Variants in MUC12 observed in about 807,000 individuals in gnomAD.
MUC12 encodes the protein mucin 12, cell surface associated.
A neutral mutation model predicts 230.8 loss-of-function variants in MUC12; 172 were observed. The observed-to-expected ratio is 0.75, with a 90% CI of 0.66 to 0.85. MUC12 has a LOEUF of 0.85. MUC12 is among the 40% of genes least tolerant of loss of function. The probability of loss-of-function intolerance (pLI) is 0.00; values close to 1 mark genes in which losing one functional copy is unlikely to be tolerated. For missense variants in MUC12, 3,506 were observed against 5,920.6 expected (o/e 0.59, Z 13.38); for synonymous variants, 1,259 against 2,401.9 (o/e 0.52, Z 13.91).
chr7:100,995,492 A>T lies in MUC12; in HGVS notation c.4929A>T (p.Glu1643Asp). 6.5e-7 allele frequency: 1 copy of T among 1,534,960 alleles called. No individual in the cohort carries two copies. The highest frequency in any genetic ancestry group is 8.7e-7 in the Non-Finnish European group (1 of 1,146,558). The change falls in exon 2 of 12, where the codon GAA becomes GAT. Residue 1643 changes from glutamate (E) to aspartate (D), a missense_variant. By Grantham distance (45) the Glu-to-Asp change is conservative. Transcript: ENST00000536621. ...TCCACAGCAGCCCAGGCTCCACTGA[A>T]ACAACACTCTTACCTGACAACACCA... ...TTFHSSPGSTETTLLPDNTTA... is the reference protein window; with the variant it reads ...TTFHSSPGSTDTTLLPDNTTA...
Position 101,004,931 on chromosome 7 carries a change from C to G in MUC12, c.14368C>G (p.Leu4790Val). The G allele has an allele frequency of 6.5e-7, 1 of 1,537,884 alleles. No homozygotes were observed. Among genetic ancestry groups the G allele is most frequent in the Non-Finnish European group, 8.7e-7 (1 of 1,147,056 alleles). ...AFPASTTTSG[L>V]SQESTTFHSK... is the part of the protein sequence containing the mutation. The stretch of plus-strand genomic sequence containing the variant: ...CCCTGCCAGCACCACCACCTCAGGC[C>G]TCAGTCAGGAATCAACAACTTTCCA... Residue 4790 changes from leucine (L) to valine (V), a missense_variant, in exon 2 of 12, where the codon CTC becomes GTC. Leu to Val is a conservative substitution (Grantham distance 32). Coordinates refer to ENST00000536621, the MANE Select transcript of MUC12 (RefSeq NM_001164462.2).
Position 101,018,913 on chromosome 7 carries a change from A to C in MUC12, c.*277A>C. ...CTCCCCACTCTGGAATTTCCCTACC[A>C]ATAAAAGCAAATCTGAAAGCTCAGA... is the stretch of plus-strand genomic sequence containing the variant. On this transcript the variant is annotated 3_prime_UTR_variant, in exon 12 of 12. Coordinates refer to ENST00000536621, the MANE Select transcript of MUC12 (RefSeq NM_001164462.2). 2.4e-6 allele frequency: 1 copy of C among 423,012 alleles called. No individual in the cohort carries two copies. Among genetic ancestry groups the C allele is most frequent in the Non-Finnish European group, 4.2e-6 (1 of 240,848 alleles). 26.2% of individuals were successfully genotyped at this position (423,012 alleles called of 1,614,324 possible). A position where few individuals can be genotyped will look rare whatever the true frequency, so the allele number is the denominator to read the frequency against.
At chr7:100,971,216 G>A (rs1259854957) in intron 1 of MUC12, among the ~76,000 whole-genome samples, 1 of 152,276 alleles carries the variant, frequency 6.6e-6, no homozygotes, top group Non-Finnish European at 1.5e-5. Flanking sequence ...GGGGCTGTAG[G>A]AGGAGACAGA....
chr7:100,999,227 A>T lies in MUC12; in HGVS notation c.8664A>T (p.Gln2888His). The change falls in exon 2 of 12, where the codon CAA becomes CAT. Residue 2888 changes from glutamine to histidine, a missense_variant. Gln to His is a conservative substitution (Grantham distance 24). Coordinates refer to ENST00000536621, the MANE Select transcript of MUC12 (RefSeq NM_001164462.2). ...VSEESSTSHSQPGSTHTTAFP... is the reference protein window; with the variant it reads ...VSEESSTSHSHPGSTHTTAFP... ...AAGAATCCAGCACATCCCACAGTCA[A>T]CCAGGCTCAACGCACACAACAGCGT... 2.0e-6 allele frequency: 3 copies of T among 1,499,270 alleles called. No homozygotes were observed. Among genetic ancestry groups the T allele is most frequent in the Non-Finnish European group, 2.7e-6 (3 of 1,127,132 alleles). The allele number at this position is 1,499,270 out of a possible 1,614,324, so 92.9% of individuals were successfully genotyped here.
chr7:101,009,570 TG>T (rs923665927), intron 5 of MUC12, among the ~76,000 whole-genome samples: 12 of 152,216 alleles, frequency 7.9e-5, no homozygotes, highest in African/African-American at 2.7e-4. Flanking sequence ...TGGTGGTTCA[TG>T]CATGTAATCT....
rs1457578481 is a variant in MUC12, at chr7:101,004,731, C to G, written c.14168C>G (p.Thr4723Arg). 1.3e-6 allele frequency: 2 copies of G among 1,536,984 alleles called. No individual in the cohort carries two copies. The highest frequency in any genetic ancestry group is 1.7e-6 in the Non-Finnish European group (2 of 1,146,360). ...TATATCTCTCCAGGCTCAATGGAAACAACATTAGCCAGCACTGCCACAACA... is the reference window on the plus strand; with the variant it reads ...TATATCTCTCCAGGCTCAATGGAAAGAACATTAGCCAGCACTGCCACAACA... ...TFYISPGSME[T>R]TLASTATTPG... The change falls in exon 2 of 12, where the codon ACA (threonine) becomes AGA (arginine). Residue 4723 changes from threonine (T) to arginine (R), a missense_variant. Physicochemically the swap from Thr to Arg is moderately conservative, Grantham distance 71. Coordinates refer to ENST00000536621, the MANE Select transcript of MUC12 (RefSeq NM_001164462.2).
rs1793733523 is a variant in MUC12, at chr7:101,005,541, C to T, written c.14956+22C>T. The T allele has an allele frequency of 3.3e-6, 5 of 1,523,010 alleles. No individual in the cohort carries two copies. In the South Asian group the frequency reaches 4.9e-5, roughly 15 times the overall value. 94.3% of individuals were successfully genotyped at this position (1,523,010 alleles called of 1,614,324 possible). A position where few individuals can be genotyped will look rare whatever the true frequency, so the allele number is the denominator to read the frequency against. Reference sequence around the variant, plus strand: ...CCAGGTACTGCTCTTTCCATTTCATCCACGTTTAGCTTCTTCTCCAGGCCT... The same window carrying T: ...CCAGGTACTGCTCTTTCCATTTCATTCACGTTTAGCTTCTTCTCCAGGCCT... On this transcript the variant is annotated intron_variant, in intron 2 of 11. Transcript: ENST00000536621.
In MUC12 at chr7:101,005,079, C is replaced by A; in HGVS notation, c.14516C>A (p.Ala4839Asp). The A allele has an allele frequency of 6.5e-7, 1 of 1,537,900 alleles. No homozygotes were observed. The highest frequency in any genetic ancestry group is 8.7e-7 in the Non-Finnish European group (1 of 1,147,066). Residue 4839 changes from alanine to aspartate, a missense_variant, in exon 2 of 12, where the codon GCC (alanine) becomes GAC (aspartate). Ala to Asp is a moderately radical substitution (Grantham distance 126). Coordinates refer to ENST00000536621, the MANE Select transcript of MUC12 (RefSeq NM_001164462.2). ...PGSALSTVSP[A>D]STTVPGLSEE... ...TCAGCTCTGTCAACAGTGTCACCTG[C>A]CAGCACCACAGTGCCAGGCCTTAGT... is the stretch of plus-strand genomic sequence containing the variant.
chr7:100,983,974 G>A (rs1793148085), intron 1 of MUC12, among the ~76,000 whole-genome samples: 1 of 152,106 alleles, frequency 6.6e-6, no homozygotes, highest in African/African-American at 2.4e-5. Flanking sequence ...AGTCCACCCT[G>A]CTGCATTGAG....
chr7:101,004,785 T>C lies in MUC12; in HGVS notation c.14222T>C (p.Leu4741Pro). ...GGCCTCAGTGCAAAATCTACCATCC[T>C]TTACAGTAGCTCCAGATCACCAGAC... ...TPGLSAKSTI[L>P]YSSSRSPDQT... Residue 4741 changes from leucine (L) to proline (P), a missense_variant, in exon 2 of 12, where the codon CTT becomes CCT. Leu to Pro is a moderately conservative substitution (Grantham distance 98, BLOSUM62 -3). Coordinates refer to ENST00000536621, the MANE Select transcript of MUC12 (RefSeq NM_001164462.2). 1.3e-6 allele frequency: 2 copies of C among 1,537,752 alleles called. No homozygotes were observed. Among genetic ancestry groups the C allele is most frequent in the Non-Finnish European group, 1.7e-6 (2 of 1,147,012 alleles).
rs1246498963 is a variant in MUC12, at chr7:100,990,661, A to G, written c.98A>G (p.Asn33Ser). The G allele has an allele frequency of 6.5e-7, 1 of 1,537,582 alleles. No homozygotes were observed. The highest frequency in any genetic ancestry group is 1.2e-5 in the South Asian group (1 of 84,060). Residue 33 changes from asparagine (N) to serine (S), a missense_variant, in exon 2 of 12, where the codon AAT becomes AGT. By Grantham distance (46) the Asn-to-Ser change is conservative. Transcript: ENST00000536621. ...GSTVNTSIGG[N>S]TTSASTPSSS... The stretch of plus-strand genomic sequence containing the variant: ...ACAGTAAACACCAGTATTGGAGGTA[A>G]TACAACTTCTGCATCCACACCCAGT...
rs1374957653 is a variant in MUC12, at chr7:100,993,035, C to G, written c.2472C>G (p.Thr824=). The G allele has an allele frequency of 2.0e-6, 3 of 1,536,682 alleles. No individual in the cohort carries two copies. Among genetic ancestry groups the G allele is most frequent in the Admixed American group, 2.0e-5 (1 of 50,924 alleles). The part of the protein sequence containing the change: ...TTTPGLSERS[T]TFHSSPRSPA... ...CGCCAGGCCTCAGTGAGAGATCTAC[C>G]ACTTTCCATAGTAGCCCCAGATCAC... is the stretch of plus-strand genomic sequence containing the variant. Residue 824 remains threonine (T), a synonymous_variant, in exon 2 of 12, where the codon ACC becomes ACG. Transcript: ENST00000536621.
At chr7:101,016,014 G>A (rs2116365272) in intron 10 of MUC12, among the ~76,000 whole-genome samples, 1 of 152,282 alleles carries the variant, frequency 6.6e-6, no homozygotes, top group East Asian at 1.9e-4. Flanking sequence ...CAGCCTGGGT[G>A]GGGATAGGGG....
intron 1 of MUC12, among the ~76,000 whole-genome samples, chr7:100,981,912 A>G (rs1214071520): frequency 7.1e-6 from 1 of 140,430 alleles, no homozygotes; most frequent in South Asian, 2.3e-4. Context: ...TATTGTCCAG[A>G]CTGGAGTGCA....
chr7:101,017,406 T>C, intron 10 of MUC12, 169 bp from the exon 11 acceptor site: 1 of 588,670 alleles, frequency 1.7e-6, no homozygotes, highest in Non-Finnish European at 3.0e-6. Context: ...AGGCAGGCTC[T>C]GCACTTACCC....
intron 1 of MUC12, among the ~76,000 whole-genome samples, chr7:100,981,100 G>C (rs1366577837): frequency 6.6e-6 from 1 of 152,230 alleles, no homozygotes; most frequent in Non-Finnish European, 1.5e-5. Flanking sequence ...ATATTTTGCT[G>C]TGTTTTGGAT....
intron 2 of MUC12, 56 bp from the exon 3 acceptor site, chr7:101,006,415 G>A (rs900389856): frequency 1.5e-5 from 18 of 1,199,200 alleles, no homozygotes; most frequent in South Asian, 3.9e-5. Flanking sequence ...ATGGGAGTGC[G>A]TGTTTTTGCT....
intron 1 of MUC12, among the ~76,000 whole-genome samples, chr7:100,973,397 G>GGAGGCCTT (rs1792952801): frequency 6.8e-6 from 1 of 147,288 alleles, no homozygotes; most frequent in African/African-American, 2.5e-5. Context: ...GAGCTGTCCT[G>GGAGGCCTT]GGCTTCTAGG....
At chr7:100,979,836 A>G (rs1473760527) in intron 1 of MUC12, among the ~76,000 whole-genome samples, 1 of 152,036 alleles carries the variant, frequency 6.6e-6, no homozygotes, top group African/African-American at 2.4e-5. Flanking sequence ...ACATGTACAC[A>G]CATACATTTA....
Sources: allele counts gnomAD v4.1 joint callset (sites outside exome capture counted in the v4.1 genomes callset), GRCh38; gene constraint gnomAD v4.1.1; transcripts MANE v1.5; gene names NCBI Gene and HGNC (gene_info 2026-07-23, HGNC 2026-07-21).